Variants in PTPRM observed in about 807,000 individuals in gnomAD.
PTPRM encodes protein tyrosine phosphatase receptor type M, also known as receptor-type tyrosine-protein phosphatase mu.
PTPRM carries 47 observed loss-of-function variants against 186.7 expected under a neutral mutation model. The ratio of observed to expected loss-of-function variants is 0.25; its 90% CI spans 0.20 to 0.32. PTPRM has a LOEUF of 0.32. Ranked by LOEUF, PTPRM falls within the 10% of genes least tolerant of loss-of-function variation. The pLI is 1.00. For missense variants in PTPRM, 1,494 were observed against 1,865.0 expected (o/e 0.80, Z 3.66); for synonymous variants, 668 against 674.9 (o/e 0.99, Z 0.16).
At chr18:7,774,805 G>GT (rs1434966233) in intron 2 of PTPRM, among the ~76,000 whole-genome samples, 1 of 152,250 alleles carries the variant, frequency 6.6e-6, no homozygotes, top group African/African-American at 2.4e-5. Flanking sequence ...AGTGAAAGAT[G>GT]TGTTCCACTG....
chr18:8,077,360 A>G (rs550479542), intron 9 of PTPRM, among the ~76,000 whole-genome samples: 6 of 152,144 alleles, frequency 3.9e-5, no homozygotes, highest in Non-Finnish European at 8.8e-5. Flanking sequence ...TGTAAAGATG[A>G]GCTGTCAGAC....
Position 7,996,134 on chromosome 18 carries a change from G to A in PTPRM, c.1132+40720G>A, listed in dbSNP as rs112241800. 3.9e-3 allele frequency among the ~76,000 whole-genome samples: 588 copies of A among 151,844 alleles called. 2 individuals are homozygous for A. Among genetic ancestry groups the A allele is most frequent in the Non-Finnish European group, 5.9e-3 (399 of 67,928 alleles). ...TATTTCTTGGTAGGTAAAGCATGTT[G>A]AAGTTATCCATTTACTCTTTTTTTC... On this transcript the variant is annotated intron_variant, in intron 7 of 32. Coordinates refer to ENST00000580170, the MANE Select transcript of PTPRM (RefSeq NM_001105244.2).
intron 9 of PTPRM, among the ~76,000 whole-genome samples, chr18:8,079,556 G>A (rs1341523112): frequency 1.3e-5 from 2 of 151,882 alleles, no homozygotes; most frequent in South Asian, 2.1e-4. Flanking sequence ...ATATAAAATG[G>A]ATGCAGTTTA....
At chr18:7,774,376 G>A in intron 2 of PTPRM, 105 bp downstream of exon 2, 1 of 1,389,962 alleles carries the variant, frequency 7.2e-7, no homozygotes, top group Non-Finnish European at 9.9e-7. Context: ...GTTGGTCTTT[G>A]GATGTGGCAG....
intron 11 of PTPRM, among the ~76,000 whole-genome samples, chr18:8,091,527 G>C (rs952940792): frequency 6.6e-6 from 1 of 151,788 alleles, no homozygotes; most frequent in South Asian, 2.1e-4. Context: ...TCTTAAATGG[G>C]TAAATCGTGT....
intron 7 of PTPRM, among the ~76,000 whole-genome samples, chr18:7,982,273 TTAAG>T (rs1211205829): frequency 6.6e-6 from 1 of 150,886 alleles, no homozygotes; most frequent in African/African-American, 2.5e-5. Context: ...TTTTCTGTTT[TTAAG>T]TTTTTACTTT....
At chr18:8,002,332 T>C (rs1472349923) in intron 7 of PTPRM, among the ~76,000 whole-genome samples, 6 of 152,232 alleles carry the variant, frequency 3.9e-5, no homozygotes, top group Admixed American at 3.9e-4. Context: ...ATTTGGGTAG[T>C]AGAGCACATA....
chr18:7,586,691 A>G (rs1165052905), intron 1 of PTPRM, among the ~76,000 whole-genome samples: 2 of 152,226 alleles, frequency 1.3e-5, no homozygotes, highest in African/African-American at 4.8e-5. Flanking sequence ...AACATTTAAA[A>G]ACAGAATTTT....
intron 9 of PTPRM, among the ~76,000 whole-genome samples, chr18:8,078,194 C>T (rs1177493400): frequency 2.6e-5 from 4 of 152,168 alleles, no homozygotes; most frequent in African/African-American, 4.8e-5. Context: ...AGGGAGTCCC[C>T]AGCTCCCTCG....
At chr18:7,918,443 ATGTGATAGCTCATTT>A (rs1599497402) in intron 4 of PTPRM, among the ~76,000 whole-genome samples, 1 of 152,150 alleles carries the variant, frequency 6.6e-6, no homozygotes, top group East Asian at 1.9e-4. Context: ...AAGTGGAGTA[ATGTGATAGCTCATTT>A]TTGTTTTGAC....
At chr18:7,623,340 G>A (rs2037985484) in intron 1 of PTPRM, among the ~76,000 whole-genome samples, 1 of 152,190 alleles carries the variant, frequency 6.6e-6, no homozygotes, top group South Asian at 2.1e-4. Flanking sequence ...GTATTAAAAG[G>A]AAGATAAAAC....
chr18:7,760,040 C>A (rs1447035331), intron 1 of PTPRM, among the ~76,000 whole-genome samples: 1 of 152,114 alleles, frequency 6.6e-6, no homozygotes, highest in African/African-American at 2.4e-5. Flanking sequence ...CCTCAAGTTT[C>A]TTACTTTTTC....
At chr18:8,377,180 C>T (rs369670633) in intron 26 of PTPRM, 1 of 152,178 alleles carries the variant, frequency 6.6e-6, no homozygotes, top group African/African-American at 2.4e-5. Flanking sequence ...TTAGGACATT[C>T]GTATTTTTAC....
At chr18:8,392,492 TG>T (rs2148586262) in intron 31 of PTPRM, among the ~76,000 whole-genome samples, 1 of 152,080 alleles carries the variant, frequency 6.6e-6, no homozygotes, top group Non-Finnish European at 1.5e-5. Context: ...CCGGGCATGG[TG>T]GCAGGTGCCT....
At chr18:7,809,980 G>A (rs2044426328) in intron 2 of PTPRM, among the ~76,000 whole-genome samples, 1 of 152,184 alleles carries the variant, frequency 6.6e-6, no homozygotes, top group Admixed American at 6.5e-5. Flanking sequence ...ACAACAGATT[G>A]TCCAGAGAGA....
In PTPRM at chr18:8,063,030, G is replaced by A. The variant is rs1427850254; in HGVS notation, c.1133-6656G>A. On this transcript the variant is annotated intron_variant, in intron 7 of 32. Transcript: ENST00000580170. ...TGCTTTGTTTACCTAATCAAGCCTG[G>A]GCAATGGCGGGCGCCCCTCCCCCAG... Among the ~76,000 whole-genome samples, 27 of 151,134 alleles carry A rather than the reference G, an allele frequency of 1.8e-4. No individual in the cohort carries two copies. In the East Asian group the frequency reaches 5.3e-3, roughly 30 times the overall value.
At chr18:8,051,714 T>A (rs186865762) in intron 7 of PTPRM, among the ~76,000 whole-genome samples, 10 of 152,336 alleles carry the variant, frequency 6.6e-5, no homozygotes, top group Non-Finnish European at 1.3e-4. Context: ...GGGATATTTA[T>A]CTGCTTTTGG....
chr18:7,772,363 C>CTTTCTTTCTTTA (rs2144925686), intron 1 of PTPRM, among the ~76,000 whole-genome samples: 1 of 63,050 alleles, frequency 1.6e-5, no homozygotes, highest in Admixed American at 2.3e-4. Context: ...TTCTTTCTTT[C>CTTTCTTTCTTTA]TTTCTTTCTT....
intron 28 of PTPRM, among the ~76,000 whole-genome samples, chr18:8,380,057 A>G (rs1197220830): frequency 6.6e-6 from 1 of 152,266 alleles, no homozygotes; most frequent in African/African-American, 2.4e-5. Flanking sequence ...AATATTTTAA[A>G]AATTGATAAG....
Sources: allele counts gnomAD v4.1 joint callset (sites outside exome capture counted in the v4.1 genomes callset), GRCh38; gene constraint gnomAD v4.1.1; transcripts MANE v1.5; gene names NCBI Gene and HGNC (gene_info 2026-07-23, HGNC 2026-07-21).